The following COPG1 variants were observed in gnomAD, a reference collection of about 807,000 sequenced individuals.
COPG1 encodes coat protein complex I subunit gamma 1.
COPG1 carries 29 observed loss-of-function variants against 102.8 expected under a neutral mutation model. The observed-to-expected ratio is 0.28, with a 90% CI of 0.21 to 0.38. The LOEUF (loss-of-function observed/expected upper bound fraction) is 0.38. COPG1 is among the 10% of genes least tolerant of loss of function. The pLI, the probability that COPG1 is intolerant of heterozygous loss-of-function variation, is 1.00. For synonymous variants in COPG1, 406 were observed against 421.6 expected (o/e 0.96, Z 0.45); for missense variants, 875 against 1,132.7 (o/e 0.77, Z 3.27).
chr3:129,251,503 C>A (rs188137976), intron 2 of COPG1, among the ~76,000 whole-genome samples: 5 of 151,706 alleles, frequency 3.3e-5, no homozygotes, highest in African/African-American at 1.2e-4. Context: ...CTGTCTCAGC[C>A]TCCCAAGTAG....
chr3:129,252,915 A>G lies in COPG1; in HGVS notation c.283A>G (p.Met95Val). 1 of 1,614,116 alleles carries G rather than the reference A, an allele frequency of 6.2e-7. No individual in the cohort carries two copies. Among genetic ancestry groups the G allele is most frequent in the Non-Finnish European group, 8.5e-7 (1 of 1,180,024 alleles). The change falls in exon 5 of 24, where the codon ATG becomes GTG. Residue 95 changes from methionine to valine, a missense_variant. By Grantham distance (21) the Met-to-Val change is conservative (BLOSUM62 1). Coordinates refer to ENST00000314797, the MANE Select transcript of COPG1 (RefSeq NM_016128.4). Reference protein sequence around the residue: ...RRMCYLTIKEMSCIAEDVIIV... With the variant: ...RRMCYLTIKEVSCIAEDVIIV... ...GATGTGCTACTTGACCATCAAGGAGATGTCTTGCATTGCAGAGGATGTCAT... is the reference window on the plus strand; with the variant it reads ...GATGTGCTACTTGACCATCAAGGAGGTGTCTTGCATTGCAGAGGATGTCAT...
chr3:129,255,009 C>T lies in COPG1; in HGVS notation c.424C>T (p.Arg142Cys). ...TDSTMLQAIE[R>C]YMKQAIVDKV... ...GAGCACCATGCTGCAGGCTATTGAG[C>T]GCTACATGAAACAAGCCATTGTGGA... Residue 142 changes from arginine (R) to cysteine (C), a missense_variant, in exon 7 of 24, where the codon CGC becomes TGC. Transcript: ENST00000314797. 3 of 1,614,096 alleles carry T rather than the reference C, an allele frequency of 1.9e-6. No individual in the cohort carries two copies. Among genetic ancestry groups the T allele is most frequent in the South Asian group, 1.1e-5 (1 of 91,088 alleles).
intron 5 of COPG1, among the ~76,000 whole-genome samples, chr3:129,253,402 G>A (rs1189251558): frequency 6.6e-6 from 1 of 152,170 alleles, no homozygotes; most frequent in Non-Finnish European, 1.5e-5. Flanking sequence ...ACAGTTTAAG[G>A]TTGTGGGGGT....
At chr3:129,269,026 T>G (rs766634489) in intron 18 of COPG1, 26 bp downstream of exon 18, 1 of 1,607,172 alleles carries the variant, frequency 6.2e-7, no homozygotes, top group East Asian at 2.2e-5. Context: ...TGGGGGATGC[T>G]TGGGACCTGG....
chr3:129,266,968 C>A, intron 14 of COPG1, 56 bp from the exon 15 acceptor site: 2 of 1,512,578 alleles, frequency 1.3e-6, no homozygotes, highest in South Asian at 2.3e-5. Flanking sequence ...TGGAAGTGCC[C>A]AAACAGTGAG....
Position 129,263,939 on chromosome 3 carries a change from G to C in COPG1, c.1164G>C (p.Gln388His). Residue 388 changes from glutamine to histidine, a missense_variant, in exon 13 of 24, where the codon CAG (glutamine) becomes CAC (histidine). Gln to His is a conservative substitution (Grantham distance 24, BLOSUM62 0). Coordinates refer to ENST00000314797, the MANE Select transcript of COPG1 (RefSeq NM_016128.4). Reference sequence around the variant, plus strand: ...TCCAGGCCATCAGTGCCCTGTGTCAGAAATATCCTCGCAAACACGCCGTCC... The same window carrying C: ...TCCAGGCCATCAGTGCCCTGTGTCACAAATATCCTCGCAAACACGCCGTCC... ...VVVQAISALC[Q>H]KYPRKHAVLM... The C allele has an allele frequency of 6.2e-7, 1 of 1,614,174 alleles. No individual in the cohort carries two copies. The highest frequency in any genetic ancestry group is 1.1e-5 in the South Asian group (1 of 91,080).
chr3:129,266,014 C>T (rs936644666), intron 14 of COPG1, among the ~76,000 whole-genome samples: 7 of 151,932 alleles, frequency 4.6e-5, no homozygotes, highest in African/African-American at 1.7e-4. Flanking sequence ...GCTCTGTCAC[C>T]AGGCTGGAAT....
intron 13 of COPG1, among the ~76,000 whole-genome samples, chr3:129,264,478 T>C (rs1940011670): frequency 6.6e-6 from 1 of 152,160 alleles, no homozygotes; most frequent in South Asian, 2.1e-4. Context: ...TGGAGTAGAT[T>C]TGTTCCTCAG....
intron 21 of COPG1, chr3:129,274,172 C>A (rs1940226835): frequency 7.0e-6 from 3 of 429,678 alleles, no homozygotes; most frequent in Admixed American, 2.7e-5. Flanking sequence ...TGTTTGAGCC[C>A]ATCCAGAGAT....
chr3:129,275,333 C>T lies in COPG1; in HGVS notation c.2494+41C>T, dbSNP rs377096635. On this transcript the variant is annotated intron_variant, in intron 23 of 23. Transcript: ENST00000314797. The surrounding 1 kb of genome is among the most constrained non-coding windows in gnomAD (Gnocchi z 5.0). Reference sequence around the variant, plus strand: ...AGATGGGGAGGGCCTGGATAGCTTACAGCCTGGATGCCACTGGATCCTGGG... The same window carrying T: ...AGATGGGGAGGGCCTGGATAGCTTATAGCCTGGATGCCACTGGATCCTGGG... 1 of 1,524,992 alleles carries T rather than the reference C, an allele frequency of 6.6e-7. No individual in the cohort carries two copies. Among genetic ancestry groups the T allele is most frequent in the Non-Finnish European group, 9.1e-7 (1 of 1,099,636 alleles). The allele number at this position is 1,524,992 out of a possible 1,614,324, so 94.5% of individuals were successfully genotyped here.
chr3:129,257,437 A>G (rs376386904), intron 8 of COPG1, 33 bp from the exon 9 acceptor site: 1 of 1,612,338 alleles, frequency 6.2e-7, no homozygotes, highest in Admixed American at 1.7e-5. Context: ...AAAGTCATAC[A>G]TTTGTACTCT....
At chr3:129,274,421 T>G (rs962465069) in intron 21 of COPG1, among the ~76,000 whole-genome samples, 1 of 152,142 alleles carries the variant, frequency 6.6e-6, no homozygotes, top group African/African-American at 2.4e-5. Context: ...TTCTGCTAGT[T>G]TCTGCTGAAC....
intron 12 of COPG1, among the ~76,000 whole-genome samples, chr3:129,261,910 A>G (rs1344117129): frequency 6.6e-6 from 1 of 152,150 alleles, no homozygotes; most frequent in African/African-American, 2.4e-5. Context: ...TTTGTTCTCA[A>G]TTTCTGTAAT....
rs1329718111 is a variant in COPG1, at chr3:129,255,045, A to G, written c.460A>G (p.Ser154Gly). The change falls in exon 7 of 24, where the codon AGT (serine) becomes GGT (glycine). Residue 154 changes from serine to glycine, a missense_variant. Transcript: ENST00000314797. The part of the protein sequence containing the change: ...MKQAIVDKVP[S>G]VSSSALVSSL... ...ACAAGCCATTGTGGACAAGGTGCCC[A>G]GTGTCTCCAGCTCTGCCCTCGTGTC... is the stretch of plus-strand genomic sequence containing the variant. The G allele has an allele frequency of 1.2e-6, 2 of 1,613,978 alleles. No homozygotes were observed. Among genetic ancestry groups the G allele is most frequent in the African/African-American group, 1.3e-5 (1 of 74,932 alleles).
rs190237794 is a variant in COPG1 at position 129,264,084 on chromosome 3, G to T, written c.1224+85G>T. 400 of 1,119,136 alleles carry T rather than the reference G, an allele frequency of 3.6e-4. No individual in the cohort carries two copies. The African/African-American group carries it at 4.4e-3, about 12-fold the overall frequency. The allele number at this position is 1,119,136 out of a possible 1,614,324, so 69.3% of individuals were successfully genotyped here. ...ACTGGCTCCATGCTCAGCTTTGTGC[G>T]TGTGCTTATGTTAGCCTGTTAACCA... On this transcript the variant is annotated intron_variant, in intron 13 of 23. Transcript: ENST00000314797.
rs1451349517 is a variant in COPG1, at chr3:129,272,968, A to G, written c.2256+64A>G. On this transcript the variant is annotated intron_variant, in intron 21 of 23. Transcript: ENST00000314797. ...GGCTGCAAAGCAACTCCCTTCAGGA[A>G]CTGACAGTGAGACTGGAGCTGTTTT... 3 of 847,204 alleles carry G rather than the reference A, an allele frequency of 3.5e-6. No individual in the cohort carries two copies. In the African/African-American group the frequency reaches 5.1e-5, roughly 14 times the overall value. 52.5% of individuals were successfully genotyped at this position (847,204 alleles called of 1,614,324 possible).
In COPG1 at chr3:129,252,285, G is replaced by T. The variant is rs745991108; in HGVS notation, c.95G>T (p.Arg32Leu). Residue 32 changes from arginine (R) to leucine (L), a missense_variant, in exon 3 of 24, where the codon CGT (arginine) becomes CTT (leucine). Physicochemically the swap from Arg to Leu is moderately radical, Grantham distance 102 (BLOSUM62 -2). Transcript: ENST00000314797. Reference protein sequence around the residue: ...LEKSAVLQEARVFNETPINPR... With the variant: ...LEKSAVLQEALVFNETPINPR... ...TCTTTGGTCATTTCTTCTTAGGCCC[G>T]TGTATTTAATGAAACTCCCATCAAC... 1.2e-6 allele frequency: 2 copies of T among 1,604,052 alleles called. No individual in the cohort carries two copies. Among genetic ancestry groups the T allele is most frequent in the Non-Finnish European group, 1.7e-6 (2 of 1,171,018 alleles).
chr3:129,255,874 G>A (rs867822120), intron 7 of COPG1, among the ~76,000 whole-genome samples, 194 bp from the exon 8 acceptor site: 6 of 152,188 alleles, frequency 3.9e-5, no homozygotes, highest in African/African-American at 1.4e-4. Context: ...GAAGAGAGTC[G>A]TGGGTGGATG....
At chr3:129,264,816 T>C (rs1389191521) in intron 13 of COPG1, among the ~76,000 whole-genome samples, 1 of 151,514 alleles carries the variant, frequency 6.6e-6, no homozygotes. Flanking sequence ...GTATGCATGA[T>C]AGCAGTTTTT....
Sources: allele counts gnomAD v4.1 joint callset (sites outside exome capture counted in the v4.1 genomes callset), GRCh38; gene constraint gnomAD v4.1.1; non-coding constraint Gnocchi (gnomAD v3.1); transcripts MANE v1.5; gene names NCBI Gene and HGNC (gene_info 2026-07-23, HGNC 2026-07-21).